The following GOLGA1 variants were observed in gnomAD, a reference collection of about 807,000 sequenced individuals.
The protein encoded by GOLGA1 is golgin A1, also known as golgin subfamily A member 1.
Under a neutral mutation model 119.7 loss-of-function variants are expected in GOLGA1, and 63 were observed. The observed-to-expected ratio is 0.53, with a 90% CI of 0.43 to 0.65. GOLGA1 has a LOEUF of 0.65. GOLGA1 is among the 30% of genes least tolerant of loss of function. The pLI is 0.00. For synonymous variants in GOLGA1, 318 were observed against 333.4 expected (o/e 0.95, Z 0.50); for missense variants, 798 against 912.8 (o/e 0.87, Z 1.62).
chr9:124,929,044 C>T (rs931195514), intron 5 of GOLGA1, among the ~76,000 whole-genome samples, 172 bp downstream of exon 5: 3 of 152,154 alleles, frequency 2.0e-5, no homozygotes, highest in Non-Finnish European at 4.4e-5. Context: ...ATAAATAAAA[C>T]TTGCATACTT....
chr9:124,925,733 C>T (rs1830659739), intron 7 of GOLGA1, among the ~76,000 whole-genome samples: 1 of 152,066 alleles, frequency 6.6e-6, no homozygotes, highest in South Asian at 2.1e-4. Flanking sequence ...TTAATGTATT[C>T]TCTCAGCTTG....
intron 10 of GOLGA1, among the ~76,000 whole-genome samples, chr9:124,913,546 GGT>G (rs1237220911): frequency 6.6e-6 from 1 of 152,156 alleles, no homozygotes; most frequent in East Asian, 1.9e-4. Flanking sequence ...CAGCAACCAG[GGT>G]GTATGGTTTT....
rs767486705 is a variant in GOLGA1 at position 124,899,363 on chromosome 9, C to T, written c.1277G>A (p.Arg426Gln). 1.0e-5 allele frequency: 16 copies of T among 1,549,682 alleles called. No homozygotes were observed. The highest frequency in any genetic ancestry group is 1.4e-5 in the Non-Finnish European group (16 of 1,147,074). The change falls in exon 14 of 23, where the codon CGG becomes CAG. Residue 426 changes from arginine (R) to glutamine (Q), a missense_variant. Physicochemically the swap from Arg to Gln is conservative, Grantham distance 43. Coordinates refer to ENST00000373555, the MANE Select transcript of GOLGA1 (RefSeq NM_002077.4). ...CTCTGCGGTGGTCTGGTCAGCTGCC[C>T]GCGTTCTCTCCAGGGCCACTATCTG... ...EAQIVALERT[R>Q]AADQTTAEQG...
intron 3 of GOLGA1, among the ~76,000 whole-genome samples, chr9:124,934,463 G>C (rs1487974884): frequency 6.6e-6 from 1 of 152,172 alleles, no homozygotes. Context: ...GAATGCAGGA[G>C]TGAAAGGGGA....
intron 20 of GOLGA1, among the ~76,000 whole-genome samples, chr9:124,882,279 G>A (rs568847297): frequency 6.6e-6 from 1 of 152,240 alleles, no homozygotes; most frequent in Non-Finnish European, 1.5e-5. Flanking sequence ...TCCAGATGAG[G>A]ATGCAGGCTC....
intron 14 of GOLGA1, among the ~76,000 whole-genome samples, chr9:124,899,110 C>G (rs930917691): frequency 6.6e-6 from 1 of 152,152 alleles, no homozygotes; most frequent in African/African-American, 2.4e-5. Context: ...GTGGCAGGAT[C>G]ACTTGAGTCT....
At position 124,919,962 on chromosome 9, in the gene GOLGA1, T is replaced by A. The variant is rs549164501; in HGVS notation, c.843+1167A>T. Among the ~76,000 whole-genome samples the A allele has an allele frequency of 2.1e-3, 310 of 150,942 alleles. 1 individual carries two copies. The highest frequency in any genetic ancestry group is 3.4e-3 in the Non-Finnish European group (233 of 67,946). On this transcript the variant is annotated intron_variant, in intron 10 of 22. Transcript: ENST00000373555. ...TATTTATTTATTTATTTATTTATTT[T>A]ATTATTTTTTTAAGACAGAGTCTCT... is the stretch of plus-strand genomic sequence containing the variant.
chr9:124,940,686 A>G (rs1479678949), intron 1 of GOLGA1, among the ~76,000 whole-genome samples: 1 of 147,234 alleles, frequency 6.8e-6, no homozygotes, highest in Non-Finnish European at 1.5e-5. Flanking sequence ...ACTGTCAAAG[A>G]AAGGAAGGAT....
intron 6 of GOLGA1, 46 bp from the exon 7 acceptor site, chr9:124,926,787 T>A (rs973637467): frequency 2.0e-6 from 2 of 1,016,740 alleles, no homozygotes; most frequent in Non-Finnish European, 2.9e-6. Flanking sequence ...GAAGAGTATC[T>A]GTAATACCAA....
At position 124,888,127 on chromosome 9, in the gene GOLGA1, AG is replaced by A; in HGVS notation, c.1905+125del. The A allele has an allele frequency of 1.2e-6, 1 of 812,816 alleles. No homozygotes were observed. 50.4% of individuals were successfully genotyped at this position (812,816 alleles called of 1,614,324 possible). A position where few individuals can be genotyped will look rare whatever the true frequency, so the allele number is the denominator to read the frequency against. On this transcript the variant is annotated intron_variant, in intron 19 of 22. Coordinates refer to ENST00000373555, the MANE Select transcript of GOLGA1 (RefSeq NM_002077.4). This position sits in a 1 kb window ranked among gnomAD's most constrained non-coding sequence, Gnocchi z 4.4. Reference sequence around the variant, plus strand: ...ATCAGGAGGAAGGCCTTTGGGTGAGAGGGGTCATGGTTGCCAGGAGGTGCGG... The same window carrying A: ...ATCAGGAGGAAGGCCTTTGGGTGAGAGGGTCATGGTTGCCAGGAGGTGCGG...
Position 124,938,834 on chromosome 9 carries a change from A to C in GOLGA1, c.-123T>G. On this transcript the variant is annotated 5_prime_UTR_variant, in exon 3 of 23. In the 5' UTR this introduces an upstream ATG that the reference lacks. Coordinates refer to ENST00000373555, the MANE Select transcript of GOLGA1 (RefSeq NM_002077.4). ...TCCAAGCTAGCTGCATTCCCACTTA[A>C]ATGTGGGCCAAGGGCTTATGGCAAC... 1.4e-6 allele frequency: 1 copy of C among 705,918 alleles called. No individual in the cohort carries two copies. The highest frequency in any genetic ancestry group is 2.3e-6 in the Non-Finnish European group (1 of 435,096). The allele number at this position is 705,918 out of a possible 1,614,324, so 43.7% of individuals were successfully genotyped here.
At position 124,905,972 on chromosome 9, in the gene GOLGA1, G is replaced by A. The variant is rs143562385; in HGVS notation, c.1065+2405C>T. Among the ~76,000 whole-genome samples the A allele has an allele frequency of 9.1e-3, 1,380 of 151,916 alleles. 25 individuals are homozygous for A. Among genetic ancestry groups the A allele is most frequent in the African/African-American group, 0.031 (1,286 of 41,410 alleles). The stretch of plus-strand genomic sequence containing the variant: ...TGCTAAAAATACAAAAATTAGTCGG[G>A]CGTGGTGGCACGTGCCTGTAATTCC... On this transcript the variant is annotated intron_variant, in intron 12 of 22. Coordinates refer to ENST00000373555, the MANE Select transcript of GOLGA1 (RefSeq NM_002077.4).
At position 124,900,273 on chromosome 9, in the gene GOLGA1, A is replaced by G. The variant is rs778328168; in HGVS notation, c.1161+179T>C. On this transcript the variant is annotated intron_variant, in intron 13 of 22. Coordinates refer to ENST00000373555, the MANE Select transcript of GOLGA1 (RefSeq NM_002077.4). ...ACCTCCCAGGTAACTCAGGCCCACCATTAGGTCCTGACTCCCTCCACCCCC... is the reference window on the plus strand; with the variant it reads ...ACCTCCCAGGTAACTCAGGCCCACCGTTAGGTCCTGACTCCCTCCACCCCC... 199 of 461,784 alleles carry G rather than the reference A, an allele frequency of 4.3e-4. 2 individuals carry two copies. The highest frequency in any genetic ancestry group is 3.5e-4 in the Non-Finnish European group (88 of 254,542). 28.6% of individuals were successfully genotyped at this position (461,784 alleles called of 1,614,324 possible).
chr9:124,915,606 G>A (rs991394639), intron 10 of GOLGA1, among the ~76,000 whole-genome samples: 16 of 151,994 alleles, frequency 1.1e-4, no homozygotes, highest in African/African-American at 3.6e-4. Context: ...TCCCAGCACT[G>A]TGAGAGGCCG....
rs769394758 is a variant in GOLGA1, at chr9:124,890,484, A to G, written c.1408-6T>C. Reference sequence around the variant, plus strand: ...TCTCTTTGGCTCCATTCTTCCTACAATGCAGAAAACCACTGAGCCCCAAAA... The same window carrying G: ...TCTCTTTGGCTCCATTCTTCCTACAGTGCAGAAAACCACTGAGCCCCAAAA... On this transcript the variant is annotated splice_polypyrimidine_tract_variant and splice_region_variant and intron_variant, in intron 15 of 22. Coordinates refer to ENST00000373555, the MANE Select transcript of GOLGA1 (RefSeq NM_002077.4). 1 of 1,606,784 alleles carries G rather than the reference A, an allele frequency of 6.2e-7. No individual in the cohort carries two copies. Among genetic ancestry groups the G allele is most frequent in the East Asian group, 2.2e-5 (1 of 44,834 alleles).
At chr9:124,908,583 C>A in intron 11 of GOLGA1, 111 bp from the exon 12 acceptor site, 2 of 695,128 alleles carry the variant, frequency 2.9e-6, no homozygotes, top group Non-Finnish European at 5.3e-6. Flanking sequence ...GACATGAATA[C>A]ATTTTTAATA....
intron 1 of GOLGA1, 38 bp downstream of exon 1, chr9:124,940,933 G>A (rs1831003096): frequency 6.6e-6 from 1 of 152,328 alleles, no homozygotes; most frequent in Admixed American, 6.5e-5. Flanking sequence ...GGGAGAATAA[G>A]GGGCCTGCTC....
chr9:124,894,670 C>T (rs1829924643), intron 15 of GOLGA1, among the ~76,000 whole-genome samples: 1 of 152,138 alleles, frequency 6.6e-6, no homozygotes, highest in Admixed American at 6.5e-5. Context: ...CCCAGGACCC[C>T]CATCTCAGTG....
Position 124,888,724 on chromosome 9 carries a change from G to A in GOLGA1, c.1762-328C>T, listed in dbSNP as rs1028729459. Among the ~76,000 whole-genome samples, 3 of 151,968 alleles carry A rather than the reference G, an allele frequency of 2.0e-5. No homozygotes were observed. Among genetic ancestry groups the A allele is most frequent in the Admixed American group, 6.6e-5 (1 of 15,260 alleles). On this transcript the variant is annotated intron_variant, in intron 18 of 22. Coordinates refer to ENST00000373555, the MANE Select transcript of GOLGA1 (RefSeq NM_002077.4). The surrounding 1 kb of genome is among the most constrained non-coding windows in gnomAD (Gnocchi z 4.4). The stretch of plus-strand genomic sequence containing the variant: ...TATCTATTTATTTATTTATTGAGAC[G>A]GAGTCTTGCTCTGTCACCCAGGCTG...
Sources: gnomAD v4.1 joint callset for allele counts (sites outside exome capture counted in the v4.1 genomes callset) on GRCh38, gnomAD v4.1.1 for gene constraint, Gnocchi (gnomAD v3.1) non-coding constraint, MANE v1.5 for transcripts, NCBI Gene and HGNC (gene_info 2026-07-23, HGNC 2026-07-21) for gene names.